DOCK11: variants seen among roughly 807,000 people sequenced by gnomAD.
DOCK11 encodes dedicator of cytokinesis protein 11.
Under a neutral mutation model 169.1 loss-of-function variants are expected in DOCK11, and 70 were observed. The ratio of observed to expected loss-of-function variants is 0.41; its 90% CI spans 0.34 to 0.51. The LOEUF (loss-of-function observed/expected upper bound fraction) is 0.51, where lower values mean the gene tolerates loss of function less well. Among genes scored for constraint, DOCK11 ranks in the 20% least tolerant of loss-of-function variants. The probability of loss-of-function intolerance (pLI) is 0.10; values close to 1 mark genes in which losing one functional copy is unlikely to be tolerated. For synonymous variants in DOCK11, 529 were observed against 541.3 expected, an observed-to-expected ratio of 0.98 and a Z score of 0.32; for missense variants, 1,166 against 1,538.8, an observed-to-expected ratio of 0.76 and a Z score of 4.05.
intron 46 of DOCK11, among the ~76,000 whole-genome samples, chrX:118,675,052 C>T (rs771557699): frequency 6.4e-4 from 71 of 111,571 alleles, no homozygotes; most frequent in Middle Eastern, 4.6e-3. Context: ...GTAAGAAGTC[C>T]TTAAATATTC....
Position 118,676,711 on chromosome X carries a change from G to T in DOCK11, c.5434G>T (p.Val1812Phe), listed in dbSNP as rs772625747. 4 of 1,203,330 alleles carry T rather than the reference G, an allele frequency of 3.3e-6. No individual in the cohort carries two copies. The highest frequency in any genetic ancestry group is 4.5e-6 in the Non-Finnish European group (4 of 890,489). Residue 1812 changes from valine (V) to phenylalanine (F), a missense_variant, in exon 48 of 53, where the codon GTC (valine) becomes TTC (phenylalanine). Val to Phe is a conservative substitution (Grantham distance 50, BLOSUM62 -1). Transcript: ENST00000276202. The part of the protein sequence containing the change: ...LYGEKFGTEN[V>F]KIIQDSDKVN... The stretch of plus-strand genomic sequence containing the variant: ...TGGTGAAAAGTTTGGTACGGAGAAT[G>T]TCAAAATAATTCAGGATTCAGACAA...
chrX:118,636,008 C>T (rs1180526997), intron 35 of DOCK11, among the ~76,000 whole-genome samples: 1 of 111,529 alleles, frequency 9.0e-6, no homozygotes, highest in Non-Finnish European at 1.9e-5. Flanking sequence ...TTAGGGAGTT[C>T]ATTCAAAACA....
At chrX:118,570,352 C>CAGAA (rs749797748) in intron 10 of DOCK11, among the ~76,000 whole-genome samples, 84 of 112,141 alleles carry the variant, frequency 7.5e-4, no homozygotes, top group African/African-American at 2.4e-3. Context: ...TTTCTCTTTC[C>CAGAA]ATTCTACTGT....
chrX:118,549,815 C>T (rs2012430109), intron 6 of DOCK11, among the ~76,000 whole-genome samples: 1 of 111,311 alleles, frequency 9.0e-6, no homozygotes, highest in Admixed American at 9.6e-5. Context: ...GATCCTCCCA[C>T]CTTGTCCTCC....
rs1455568610 is a variant in DOCK11, at chrX:118,545,239, TGTC to T, written c.393-83_393-81del. ...CTGCTCATCTTGCTTTTACTGTTGT[TGTC>T]ATTATTGTTGTGTTTTTGTGTTGTT... On this transcript the variant is annotated intron_variant, in intron 4 of 52. Coordinates refer to ENST00000276202, the MANE Select transcript of DOCK11 (RefSeq NM_144658.4). 6.3e-6 allele frequency: 4 copies of T among 631,014 alleles called. No individual in the cohort carries two copies. The African/African-American group carries it at 9.9e-5, about 16-fold the overall frequency. 52.0% of individuals were successfully genotyped at this position (631,014 alleles called of 1,213,427 possible). A position where few individuals can be genotyped will look rare whatever the true frequency, so the allele number is the denominator to read the frequency against.
intron 1 of DOCK11, among the ~76,000 whole-genome samples, chrX:118,505,200 T>G (rs1603018090): frequency 9.0e-6 from 1 of 111,578 alleles, no homozygotes; most frequent in South Asian, 3.8e-4. Context: ...AAGTTTTGTG[T>G]TTTTAGTATA....
chrX:118,565,912 A>C (rs2013064093), intron 7 of DOCK11, 93 bp from the exon 8 acceptor site: 10 of 903,475 alleles, frequency 1.1e-5, no homozygotes, highest in Non-Finnish European at 1.6e-5. Context: ...GCACATATGC[A>C]CTAAGCTGAG....
chrX:118,596,400 A>G (rs181090100), intron 20 of DOCK11, among the ~76,000 whole-genome samples: 210 of 112,604 alleles, frequency 1.9e-3, no homozygotes, highest in African/African-American at 6.6e-3. Context: ...TTGCCAAATT[A>G]AACACATAAA....
chrX:118,681,475 T>A (rs1165776947), intron 50 of DOCK11, among the ~76,000 whole-genome samples: 1 of 112,791 alleles, frequency 8.9e-6, no homozygotes, highest in African/African-American at 3.2e-5. Flanking sequence ...CGAAGCCCTG[T>A]ATGTACATAT....
In DOCK11 at chrX:118,624,711, G is replaced by A. The variant is rs150728348; in HGVS notation, c.3588+56G>A. 1.3e-3 allele frequency: 1,008 copies of A among 785,717 alleles called. 11 individuals are homozygous for A. The East Asian group carries it at 0.033, about 25-fold the overall frequency. The allele number at this position is 785,717 out of a possible 1,213,427, so 64.8% of individuals were successfully genotyped here. A position where few individuals can be genotyped will look rare whatever the true frequency, so the allele number is the denominator to read the frequency against. On this transcript the variant is annotated intron_variant, in intron 32 of 52. Coordinates refer to ENST00000276202, the MANE Select transcript of DOCK11 (RefSeq NM_144658.4). Reference sequence around the variant, plus strand: ...TATCCTATTTTATTGAATGCATTTGGAATTGGGGTCATATGCTATATGATC... The same window carrying A: ...TATCCTATTTTATTGAATGCATTTGAAATTGGGGTCATATGCTATATGATC...
chrX:118,504,531 A>G (rs757735714), intron 1 of DOCK11, among the ~76,000 whole-genome samples: 11 of 112,076 alleles, frequency 9.8e-5, no homozygotes, highest in African/African-American at 3.2e-4. Flanking sequence ...GAGCTATAGA[A>G]TTGTCAGCAA....
intron 1 of DOCK11, among the ~76,000 whole-genome samples, chrX:118,511,859 A>C (rs1402677580): frequency 8.9e-6 from 1 of 112,152 alleles, no homozygotes; most frequent in Non-Finnish European, 1.9e-5. Flanking sequence ...CCCAAGGGAA[A>C]TGTTTGTGAA....
intron 1 of DOCK11, among the ~76,000 whole-genome samples, chrX:118,530,995 C>T (rs1189582620): frequency 8.9e-6 from 1 of 111,855 alleles, no homozygotes; most frequent in Non-Finnish European, 1.9e-5. Context: ...TTGTAGCAGG[C>T]TGGTCTGTGA....
At chrX:118,679,943 T>G (rs2016701601) in intron 48 of DOCK11, among the ~76,000 whole-genome samples, 1 of 88,794 alleles carries the variant, frequency 1.1e-5, no homozygotes, top group African/African-American at 4.0e-5. Context: ...TTTTTTTTTT[T>G]GGAGACAGAG....
At chrX:118,510,592 G>A (rs1044033178) in intron 1 of DOCK11, among the ~76,000 whole-genome samples, 1 of 111,422 alleles carries the variant, frequency 9.0e-6, no homozygotes, top group African/African-American at 3.3e-5. Context: ...AGGGGTGTGT[G>A]TGGGTGTGTG....
At chrX:118,647,669 A>AT (rs2015738202) in intron 40 of DOCK11, among the ~76,000 whole-genome samples, 1 of 56,369 alleles carries the variant, frequency 1.8e-5, no homozygotes, top group Non-Finnish European at 3.0e-5. Flanking sequence ...ATATATTAAT[A>AT]ATTATTATAT....
chrX:118,560,377 T>A (rs1289899246), intron 6 of DOCK11, among the ~76,000 whole-genome samples: 3 of 111,533 alleles, frequency 2.7e-5, no homozygotes, highest in Admixed American at 1.9e-4. Context: ...AGATGGGTAA[T>A]TAAAAATGAC....
chrX:118,656,116 C>T (rs987586409), intron 44 of DOCK11, among the ~76,000 whole-genome samples: 3 of 110,124 alleles, frequency 2.7e-5, no homozygotes, highest in Non-Finnish European at 3.8e-5. Flanking sequence ...AATGGTGAAA[C>T]CCCATCTCTA....
intron 1 of DOCK11, among the ~76,000 whole-genome samples, chrX:118,526,961 T>C (rs983458749): frequency 9.8e-5 from 11 of 111,864 alleles, no homozygotes; most frequent in Admixed American, 1.9e-4. Context: ...TTAAACACGA[T>C]GGGACTCCAA....
Sources: gnomAD v4.1 joint callset for allele counts (sites outside exome capture counted in the v4.1 genomes callset) on GRCh38, gnomAD v4.1.1 for gene constraint, MANE v1.5 for transcripts, NCBI Gene and HGNC (gene_info 2026-07-23, HGNC 2026-07-21) for gene names.